VPS8: variants seen among roughly 807,000 people sequenced by gnomAD.
VPS8 encodes the protein vacuolar protein sorting-associated protein 8 homolog.
Under a neutral mutation model 216.4 loss-of-function variants are expected in VPS8, and 129 were observed. That is an observed-to-expected ratio of 0.60 (90% CI 0.52 to 0.69). The LOEUF (loss-of-function observed/expected upper bound fraction) is 0.69. Ranked by LOEUF, VPS8 falls within the 30% of genes least tolerant of loss-of-function variation. VPS8 has a pLI of 0.00. For missense variants in VPS8, 1,531 were observed against 1,683.5 expected (o/e 0.91, Z 1.59); for synonymous variants, 571 against 565.4 (o/e 1.01, Z -0.14).
chr3:184,823,832 T>C (rs558108932), intron 1 of VPS8, among the ~76,000 whole-genome samples: 9 of 152,296 alleles, frequency 5.9e-5, no homozygotes, highest in Non-Finnish European at 2.9e-5. Flanking sequence ...TTGATATAAG[T>C]GTGATCTATC....
At chr3:184,843,202 C>A in intron 7 of VPS8, 38 bp from the exon 8 acceptor site, 1 of 1,408,652 alleles carries the variant, frequency 7.1e-7, no homozygotes, top group South Asian at 1.5e-5. Flanking sequence ...TCTTGCTTTT[C>A]TTTATCTTTC....
At chr3:185,024,301 G>T in intron 45 of VPS8, 35 bp from the exon 46 acceptor site, 1 of 1,554,482 alleles carries the variant, frequency 6.4e-7, no homozygotes, top group Non-Finnish European at 8.7e-7. Context: ...GACTATAACT[G>T]AAAGGGTATT....
intron 45 of VPS8, 147 bp downstream of exon 45, chr3:185,000,008 A>C: frequency 1.1e-6 from 1 of 903,510 alleles, no homozygotes; most frequent in South Asian, 1.9e-5. Context: ...AGTCCTATTT[A>C]GTGTTCGAAG....
At chr3:185,002,353 C>T (rs1286628832) in intron 45 of VPS8, among the ~76,000 whole-genome samples, 1 of 152,166 alleles carries the variant, frequency 6.6e-6, no homozygotes, top group Non-Finnish European at 1.5e-5. Flanking sequence ...CTATGTTCCC[C>T]ACACCTCTTG....
At chr3:185,048,109 G>T (rs1354473477) in intron 46 of VPS8, among the ~76,000 whole-genome samples, 1 of 152,218 alleles carries the variant, frequency 6.6e-6, no homozygotes, top group Non-Finnish European at 1.5e-5. Context: ...GAGAAAAGCG[G>T]TATCTTTGCT....
At chr3:184,896,616 TA>T (rs1321336075) in intron 23 of VPS8, among the ~76,000 whole-genome samples, 1 of 152,216 alleles carries the variant, frequency 6.6e-6, no homozygotes, top group African/African-American at 2.4e-5. Flanking sequence ...TTTCAATCCT[TA>T]TTTTATTTAC....
At chr3:184,833,115 A>C (rs973531730) in intron 4 of VPS8, among the ~76,000 whole-genome samples, 7 of 152,290 alleles carry the variant, frequency 4.6e-5, no homozygotes, top group African/African-American at 1.7e-4. Flanking sequence ...TGGTGGAAAC[A>C]TGCAGCTTGG....
chr3:184,999,555 C>T, intron 44 of VPS8, 141 bp from the exon 45 acceptor site: 5 of 1,010,266 alleles, frequency 4.9e-6, no homozygotes, highest in Non-Finnish European at 7.0e-6. Context: ...AGTACATTCC[C>T]TTTCTTGTTT....
At chr3:185,011,804 A>C (rs942863595) in intron 45 of VPS8, among the ~76,000 whole-genome samples, 1 of 152,200 alleles carries the variant, frequency 6.6e-6, no homozygotes, top group Non-Finnish European at 1.5e-5. Context: ...GTAAACTATA[A>C]TCAAGAGAAA....
intron 29 of VPS8, among the ~76,000 whole-genome samples, chr3:184,922,687 T>C (rs914004075): frequency 6.6e-6 from 1 of 152,176 alleles, no homozygotes; most frequent in Non-Finnish European, 1.5e-5. Flanking sequence ...AGAGATGTGC[T>C]AATTGGTTAA....
At chr3:184,913,615 A>T in intron 26 of VPS8, 54 bp downstream of exon 26, 1 of 1,416,154 alleles carries the variant, frequency 7.1e-7, no homozygotes, top group Non-Finnish European at 9.7e-7. Flanking sequence ...TATTTTTCCT[A>T]TATTTTTAGA....
chr3:185,040,770 C>T (rs987774477), intron 46 of VPS8, among the ~76,000 whole-genome samples: 1 of 152,194 alleles, frequency 6.6e-6, no homozygotes, highest in Non-Finnish European at 1.5e-5. Context: ...GCTATTCATG[C>T]ACATACCCTT....
At position 184,914,913 on chromosome 3, in the gene VPS8, ATG is replaced by A. The variant is rs1737246438; in HGVS notation, c.2190-64_2190-63del. On this transcript the variant is annotated intron_variant, in intron 26 of 47. Transcript: ENST00000625842. ...ACTAGTATCTCAAGTTTGAGAAACA[ATG>A]TGTTACTCGCTTGAAAGTTATCCCC... 7 of 1,442,382 alleles carry A rather than the reference ATG, an allele frequency of 4.9e-6. No individual in the cohort carries two copies. The South Asian group carries it at 6.9e-5, about 14-fold the overall frequency. 89.3% of individuals were successfully genotyped at this position (1,442,382 alleles called of 1,614,324 possible). A position where few individuals can be genotyped will look rare whatever the true frequency, so the allele number is the denominator to read the frequency against.
At chr3:184,826,384 C>G (rs1218979697) in intron 3 of VPS8, among the ~76,000 whole-genome samples, 153 bp downstream of exon 3, 1 of 152,122 alleles carries the variant, frequency 6.6e-6, no homozygotes, top group Non-Finnish European at 1.5e-5. Context: ...TAATTATAAT[C>G]AAATAAAAAT....
intron 24 of VPS8, among the ~76,000 whole-genome samples, chr3:184,899,819 T>C (rs1734159083): frequency 6.6e-6 from 1 of 152,230 alleles, no homozygotes; most frequent in African/African-American, 2.4e-5. Context: ...ATTACTGTAT[T>C]TCTGTTAACG....
At chr3:184,852,471 A>T in intron 10 of VPS8, 29 bp from the exon 11 acceptor site, 3 of 1,603,582 alleles carry the variant, frequency 1.9e-6, no homozygotes, top group Non-Finnish European at 2.6e-6. Context: ...TTAAAAATGT[A>T]CAAGAAAATA....
chr3:184,821,390 C>G (rs1717554303), intron 1 of VPS8, among the ~76,000 whole-genome samples: 1 of 151,696 alleles, frequency 6.6e-6, no homozygotes, highest in African/African-American at 2.4e-5. Flanking sequence ...GTTGCCCAGG[C>G]TGGAGTGCAG....
chr3:184,836,807 G>T (rs79657782), intron 5 of VPS8, among the ~76,000 whole-genome samples: 4,856 of 152,188 alleles, frequency 0.032, 92 homozygotes, highest in Non-Finnish European at 0.046. Flanking sequence ...TCACAGTTTT[G>T]GGATTCATGC....
intron 35 of VPS8, among the ~76,000 whole-genome samples, chr3:184,937,654 G>A (rs1007670265): frequency 1.3e-5 from 2 of 152,150 alleles, no homozygotes; most frequent in Non-Finnish European, 2.9e-5. Context: ...CCCTAATCTG[G>A]TCTTGAATGC....
Sources: allele counts gnomAD v4.1 joint callset (sites outside exome capture counted in the v4.1 genomes callset), GRCh38; gene constraint gnomAD v4.1.1; transcripts MANE v1.5; gene names NCBI Gene and HGNC (gene_info 2026-07-23, HGNC 2026-07-21).